The following C8orf34 variants were observed in gnomAD, a reference collection of about 807,000 sequenced individuals.
C8orf34 encodes chromosome 8 open reading frame 34.
In C8orf34, 65 loss-of-function variants were observed where a neutral mutation model predicts 68.3. The observed-to-expected ratio is 0.95, with a 90% CI of 0.78 to 1.17. The LOEUF is 1.17. Among genes scored for constraint, C8orf34 ranks in the 50% most tolerant of loss-of-function variants. C8orf34 has a pLI of 0.00. For synonymous variants in C8orf34, 244 were observed against 241.2 expected (o/e 1.01, Z -0.11); for missense variants, 664 against 655.4 (o/e 1.01, Z -0.14).
At chr8:68,562,832 T>C (rs1377751406) in intron 7 of C8orf34, among the ~76,000 whole-genome samples, 1 of 152,228 alleles carries the variant, frequency 6.6e-6, no homozygotes, top group East Asian at 1.9e-4. Flanking sequence ...TACCCAGTAA[T>C]TTAACATGAC....
chr8:68,613,387 C>G (rs546516665), intron 7 of C8orf34, among the ~76,000 whole-genome samples: 1 of 151,918 alleles, frequency 6.6e-6, no homozygotes, highest in African/African-American at 2.4e-5. Context: ...TGGTGTGTTG[C>G]ACCAATTAAC....
chr8:68,713,188 G>T (rs559437177), intron 9 of C8orf34, among the ~76,000 whole-genome samples: 1 of 152,202 alleles, frequency 6.6e-6, no homozygotes, highest in Non-Finnish European at 1.5e-5. Context: ...TAAGAGGAAA[G>T]TTCATAGCAT....
chr8:68,559,173 G>T (rs1400128007), intron 7 of C8orf34, among the ~76,000 whole-genome samples: 1 of 152,130 alleles, frequency 6.6e-6, no homozygotes, highest in African/African-American at 2.4e-5. Flanking sequence ...CCTAGATTTG[G>T]AGACCAGAGG....
chr8:68,757,844 G>A (rs932730687), intron 10 of C8orf34, among the ~76,000 whole-genome samples: 1 of 152,054 alleles, frequency 6.6e-6, no homozygotes, highest in African/African-American at 2.4e-5. Flanking sequence ...CTAAGATGTT[G>A]GGCAAGTAAT....
At chr8:68,564,302 A>G (rs1013433277) in intron 7 of C8orf34, among the ~76,000 whole-genome samples, 2 of 152,232 alleles carry the variant, frequency 1.3e-5, no homozygotes, top group South Asian at 2.1e-4. Context: ...GAAACAAAAT[A>G]TAGTTGATCA....
chr8:68,362,018 T>C (rs916241140), intron 1 of C8orf34, among the ~76,000 whole-genome samples: 14 of 152,224 alleles, frequency 9.2e-5, no homozygotes, highest in Non-Finnish European at 1.9e-4. Flanking sequence ...CTGATTTGGA[T>C]TTTTTATTTG....
chr8:68,350,562 G>A (rs557309929), intron 1 of C8orf34, among the ~76,000 whole-genome samples: 2 of 152,082 alleles, frequency 1.3e-5, no homozygotes, highest in African/African-American at 4.8e-5. Context: ...TTGTGTGGGA[G>A]CCTATGTCTC....
At chr8:68,482,161 T>G (rs1020250255) in intron 4 of C8orf34, among the ~76,000 whole-genome samples, 2 of 152,212 alleles carry the variant, frequency 1.3e-5, no homozygotes, top group South Asian at 4.1e-4. Context: ...TCTAATAGGT[T>G]TATCAGGAGT....
At chr8:68,708,050 T>C (rs1016634615) in intron 8 of C8orf34, among the ~76,000 whole-genome samples, 1 of 152,148 alleles carries the variant, frequency 6.6e-6, no homozygotes, top group Non-Finnish European at 1.5e-5. Context: ...TAATTAAAAG[T>C]ACAAAACCAC....
At chr8:68,502,823 T>C (rs1445496722) in intron 5 of C8orf34, among the ~76,000 whole-genome samples, 2 of 152,222 alleles carry the variant, frequency 1.3e-5, no homozygotes, top group African/African-American at 2.4e-5. Flanking sequence ...GAAGAATCAG[T>C]GGGACATTAT....
intron 6 of C8orf34, chr8:68,525,958 T>TTC (rs1445004610): frequency 8.0e-4 from 140 of 174,292 alleles, no homozygotes; most frequent in African/African-American, 2.1e-3. Flanking sequence ...CTTTCTTTCT[T>TTC]TTTTTTTTTT....
At chr8:68,627,903 G>T (rs1452191896) in intron 7 of C8orf34, among the ~76,000 whole-genome samples, 2 of 152,122 alleles carry the variant, frequency 1.3e-5, no homozygotes, top group Non-Finnish European at 2.9e-5. Flanking sequence ...AATTAAAAAG[G>T]AACTGGTAAG....
intron 5 of C8orf34, among the ~76,000 whole-genome samples, chr8:68,510,677 A>G (rs7823068): frequency 0.22 from 34,009 of 152,116 alleles, 5,901 homozygotes; most frequent in African/African-American, 0.49. Flanking sequence ...TGCAAAATAG[A>G]CTTTAATCTT....
intron 5 of C8orf34, among the ~76,000 whole-genome samples, chr8:68,492,019 ATCT>A (rs1191137255): frequency 6.6e-6 from 1 of 152,072 alleles, no homozygotes; most frequent in Admixed American, 6.6e-5. Context: ...TTCTTTCCTC[ATCT>A]TCTCCTGGCT....
At chr8:68,427,444 A>G in intron 1 of C8orf34, among the ~76,000 whole-genome samples, 1 of 152,222 alleles carries the variant, frequency 6.6e-6, no homozygotes, top group Middle Eastern at 3.2e-3. Context: ...GCAAATATCA[A>G]AAAGATATAT....
Position 68,525,381 on chromosome 8 carries a change from A to T in C8orf34, c.938+3410A>T, listed in dbSNP as rs1586317271. The T allele has an allele frequency of 9.6e-6, 3 of 313,604 alleles. 1 individual carries two copies. The Admixed American group carries it at 1.4e-4, about 15-fold the overall frequency. The allele number at this position is 313,604 out of a possible 1,614,324, so 19.4% of individuals were successfully genotyped here. On this transcript the variant is annotated intron_variant, in intron 6 of 13. Transcript: ENST00000518698. ...GAAATCAAAGAACAGAAGGCTTGAAATATCTAAAACACACAAAAATTATAC... is the reference window on the plus strand; with the variant it reads ...GAAATCAAAGAACAGAAGGCTTGAATTATCTAAAACACACAAAAATTATAC...
At chr8:68,440,595 T>A (rs1256025150) in intron 2 of C8orf34, among the ~76,000 whole-genome samples, 1 of 152,098 alleles carries the variant, frequency 6.6e-6, no homozygotes, top group Non-Finnish European at 1.5e-5. Flanking sequence ...AAGAAGAAAC[T>A]CTTACTTGTC....
At chr8:68,625,403 G>C (rs1248331163) in intron 7 of C8orf34, 1 of 494,908 alleles carries the variant, frequency 2.0e-6, no homozygotes, top group Non-Finnish European at 3.6e-6. Context: ...AGGTTGTGAG[G>C]TGACAGAATG....
intron 6 of C8orf34, among the ~76,000 whole-genome samples, chr8:68,524,192 T>C (rs1004082693): frequency 1.3e-5 from 2 of 152,318 alleles, no homozygotes; most frequent in South Asian, 2.1e-4. Flanking sequence ...GAATAATAGA[T>C]ACATGATAGG....
Sources: allele counts gnomAD v4.1 joint callset (sites outside exome capture counted in the v4.1 genomes callset), GRCh38; gene constraint gnomAD v4.1.1; transcripts MANE v1.5; gene names NCBI Gene and HGNC (gene_info 2026-07-23, HGNC 2026-07-21).